TMEM65: variants seen among roughly 807,000 people sequenced by gnomAD.
TMEM65 encodes the protein transmembrane protein 65.
Under a neutral mutation model 25.4 loss-of-function variants are expected in TMEM65, and 22 were observed. That is an observed-to-expected ratio of 0.86 (90% CI 0.62 to 1.23). TMEM65 has a LOEUF of 1.23. TMEM65 is among the 50% of genes most tolerant of loss of function. TMEM65 has a pLI of 0.00. For synonymous variants in TMEM65, 132 were observed against 126.2 expected (o/e 1.05, Z -0.31); for missense variants, 262 against 308.2 (o/e 0.85, Z 1.12).
At chr8:124,354,525 C>T (rs967540470) in intron 1 of TMEM65, among the ~76,000 whole-genome samples, 1 of 152,120 alleles carries the variant, frequency 6.6e-6, no homozygotes, top group Non-Finnish European at 1.5e-5. Flanking sequence ...GGGACCGACA[C>T]AGCTGAAGAA....
intron 1 of TMEM65, among the ~76,000 whole-genome samples, chr8:124,367,904 G>T (rs1282051750): frequency 6.6e-6 from 1 of 152,150 alleles, no homozygotes; most frequent in Non-Finnish European, 1.5e-5. Flanking sequence ...AAACTGCTCT[G>T]TTCACCTCAA....
At chr8:124,350,945 A>C (rs1563597080) in intron 1 of TMEM65, 2 of 982,638 alleles carry the variant, frequency 2.0e-6, no homozygotes, top group South Asian at 4.7e-5. Flanking sequence ...ACGCAAAAAC[A>C]GAAAAATTAG....
At chr8:124,362,336 A>G (rs879166177) in intron 1 of TMEM65, among the ~76,000 whole-genome samples, 1 of 152,136 alleles carries the variant, frequency 6.6e-6, no homozygotes, top group Admixed American at 6.5e-5. Flanking sequence ...GATAAAACTA[A>G]ATTAATATAG....
chr8:124,356,766 G>A (rs922080736), intron 1 of TMEM65, among the ~76,000 whole-genome samples: 6 of 152,000 alleles, frequency 3.9e-5, no homozygotes, highest in Non-Finnish European at 7.4e-5. Flanking sequence ...GGAGTGTAAT[G>A]GCGTGATCTC....
chr8:124,361,373 T>C (rs1362641088), intron 1 of TMEM65, among the ~76,000 whole-genome samples: 1 of 148,338 alleles, frequency 6.7e-6, no homozygotes, highest in African/African-American at 2.5e-5. Context: ...AGGCAGAGGT[T>C]GCGGTGAGCC....
intron 1 of TMEM65, among the ~76,000 whole-genome samples, chr8:124,350,119 AGTGTGTGT>A (rs71866914): frequency 0.02 from 2,920 of 147,748 alleles, 45 homozygotes; most frequent in South Asian, 0.059. Context: ...CTAATACATC[AGTGTGTGT>A]GTGTGTGTGT....
chr8:124,320,827 A>G (rs569726483), intron 5 of TMEM65, among the ~76,000 whole-genome samples: 1 of 152,198 alleles, frequency 6.6e-6, no homozygotes, highest in Non-Finnish European at 1.5e-5. Flanking sequence ...GATACGTTAA[A>G]ATGCATCTGA....
At chr8:124,320,246 C>T in intron 5 of TMEM65, 55 bp from the exon 6 acceptor site, 1 of 1,350,184 alleles carries the variant, frequency 7.4e-7, no homozygotes, top group Non-Finnish European at 1.0e-6. Context: ...AAAGCCTTTA[C>T]AAAAGCAAAC....
chr8:124,332,832 C>G (rs1814448439), intron 1 of TMEM65, among the ~76,000 whole-genome samples: 1 of 151,894 alleles, frequency 6.6e-6, no homozygotes, highest in South Asian at 2.1e-4. Context: ...GAGATGGAGT[C>G]TCACTCTGTC....
intron 1 of TMEM65, among the ~76,000 whole-genome samples, chr8:124,358,844 G>A (rs1255092066): frequency 6.6e-6 from 1 of 152,192 alleles, no homozygotes. Context: ...GATCCATTGT[G>A]TCTACTGCTC....
rs1814166461 is a variant in TMEM65, at chr8:124,311,891, C to T, written c.*2069G>A. ...ATATATTTTGACACCTTAAATAATTCTGGAGATGTTCAGTTAAACCAGTAA... is the reference window on the plus strand; with the variant it reads ...ATATATTTTGACACCTTAAATAATTTTGGAGATGTTCAGTTAAACCAGTAA... On this transcript the variant is annotated 3_prime_UTR_variant, in exon 7 of 7. Transcript: ENST00000297632. 1 of 152,374 alleles carries T rather than the reference C, an allele frequency of 6.6e-6. No homozygotes were observed. The highest frequency in any genetic ancestry group is 2.1e-4 in the South Asian group (1 of 4,816). The allele number at this position is 152,374 out of a possible 1,614,324, so 9.4% of individuals were successfully genotyped here.
rs976547625 is a variant in TMEM65, at chr8:124,313,706, A to G, written c.*254T>C. ...ACTTAAATAACATTATGAATATAAA[A>G]AGAAAGGATAAAATGTTGACTGCTA... On this transcript the variant is annotated 3_prime_UTR_variant, in exon 7 of 7. Coordinates refer to ENST00000297632, the MANE Select transcript of TMEM65 (RefSeq NM_194291.3). 1 of 373,846 alleles carries G rather than the reference A, an allele frequency of 2.7e-6. No homozygotes were observed. The highest frequency in any genetic ancestry group is 2.1e-5 in the African/African-American group (1 of 47,766). The allele number at this position is 373,846 out of a possible 1,614,324, so 23.2% of individuals were successfully genotyped here. A position where few individuals can be genotyped will look rare whatever the true frequency, so the allele number is the denominator to read the frequency against.
chr8:124,320,144 A>G lies in TMEM65; in HGVS notation c.563T>C (p.Ile188Thr), dbSNP rs1396848174. ...EALASRLGLSIPDLTPKQVDM... is the reference protein window; with the variant it reads ...EALASRLGLSTPDLTPKQVDM... ...AACTTGCTTTGGTGTGAGATCAGGA[A>G]TTGACAGGCCTAACCTGGAAGCCAA... The change falls in exon 6 of 7, where the codon ATT becomes ACT. Residue 188 changes from isoleucine to threonine, a missense_variant. Coordinates refer to ENST00000297632, the MANE Select transcript of TMEM65 (RefSeq NM_194291.3). 1.9e-6 allele frequency: 3 copies of G among 1,613,300 alleles called. No homozygotes were observed. The highest frequency in any genetic ancestry group is 2.5e-6 in the Non-Finnish European group (3 of 1,179,494).
chr8:124,334,249 G>T (rs1484399641), intron 1 of TMEM65, among the ~76,000 whole-genome samples: 1 of 152,080 alleles, frequency 6.6e-6, no homozygotes, highest in African/African-American at 2.4e-5. Flanking sequence ...AGAAAAATGT[G>T]ACCCATTTTC....
At position 124,310,599 on chromosome 8, in the gene TMEM65, T is replaced by TA. The variant is rs1362868846; in HGVS notation, c.*3360dup. ...AACTTAATGTTGTCATTAAGGTGAT[T>TA]AAATGCAATAATGTGTGTAAATTAC... On this transcript the variant is annotated 3_prime_UTR_variant, in exon 7 of 7. Transcript: ENST00000297632. The TA allele has an allele frequency of 6.6e-6, 1 of 152,130 alleles. No individual in the cohort carries two copies. The highest frequency in any genetic ancestry group is 1.5e-5 in the Non-Finnish European group (1 of 68,012). The allele number at this position is 152,130 out of a possible 1,614,324, so 9.4% of individuals were successfully genotyped here. A position where few individuals can be genotyped will look rare whatever the true frequency, so the allele number is the denominator to read the frequency against.
intron 1 of TMEM65, among the ~76,000 whole-genome samples, chr8:124,345,202 A>G (rs117542157): frequency 3.2e-4 from 49 of 152,322 alleles, no homozygotes; most frequent in Non-Finnish European, 6.6e-4. Context: ...AACTGCTCAG[A>G]CATGTCCAAA....
chr8:124,337,972 A>C (rs933236256), intron 1 of TMEM65, among the ~76,000 whole-genome samples: 1 of 151,904 alleles, frequency 6.6e-6, no homozygotes, highest in African/African-American at 2.4e-5. Context: ...TAAAATACTT[A>C]ATTTATTTGG....
At chr8:124,320,746 A>G (rs571367203) in intron 5 of TMEM65, among the ~76,000 whole-genome samples, 3 of 152,284 alleles carry the variant, frequency 2.0e-5, no homozygotes, top group African/African-American at 7.2e-5. Flanking sequence ...TACTTTATGA[A>G]CTGTAAGAAA....
intron 1 of TMEM65, among the ~76,000 whole-genome samples, chr8:124,349,804 A>G (rs922540024): frequency 1.3e-5 from 2 of 152,110 alleles, no homozygotes; most frequent in Admixed American, 6.5e-5. Context: ...GGCAAGTCCT[A>G]CTATCAGTTA....
Sources: gnomAD v4.1 joint callset for allele counts (sites outside exome capture counted in the v4.1 genomes callset) on GRCh38, gnomAD v4.1.1 for gene constraint, MANE v1.5 for transcripts, NCBI Gene and HGNC (gene_info 2026-07-23, HGNC 2026-07-21) for gene names.